Variants in MED12L observed in about 807,000 individuals in gnomAD.
MED12L encodes mediator complex subunit 12L.
A neutral mutation model predicts 281.3 loss-of-function variants in MED12L; 60 were observed. The observed-to-expected ratio is 0.21, with a 90% confidence interval of 0.17 to 0.26. The LOEUF is 0.26. MED12L is among the 10% of genes least tolerant of loss of function. The probability of loss-of-function intolerance (pLI) is 1.00; values close to 1 mark genes in which losing one functional copy is unlikely to be tolerated. For synonymous variants in MED12L, 974 were observed against 987.2 expected (o/e 0.99, Z 0.25); for missense variants, 2,146 against 2,680.9 (o/e 0.80, Z 4.41).
chr3:151,330,084 T>A (rs1277390428), intron 16 of MED12L, among the ~76,000 whole-genome samples: 1 of 152,182 alleles, frequency 6.6e-6, no homozygotes, highest in Non-Finnish European at 1.5e-5. Flanking sequence ...ACCAATTAAT[T>A]GGGATTAGAT....
rs755581571 is a variant in MED12L at position 151,413,128 on chromosome 3, T to C, written c.6141-11T>C. On this transcript the variant is annotated splice_polypyrimidine_tract_variant and intron_variant, in intron 41 of 44. Coordinates refer to ENST00000687756, the MANE Select transcript of MED12L (RefSeq NM_001393769.1). ...CTTGGGCCTGAACCAAGTTGCATTA[T>C]TCTTTGCCAGACTGAACCATCAGGC... The C allele has an allele frequency of 6.2e-7, 1 of 1,608,318 alleles. No individual in the cohort carries two copies. The highest frequency in any genetic ancestry group is 1.7e-5 in the Admixed American group (1 of 59,862).
Position 151,367,844 on chromosome 3 carries a change from G to A in MED12L, c.3448+78G>A, listed in dbSNP as rs1230353736. The A allele has an allele frequency of 2.2e-5, 33 of 1,490,374 alleles. 1 individual carries two copies. The Admixed American group carries it at 5.9e-4, about 27-fold the overall frequency. 92.3% of individuals were successfully genotyped at this position (1,490,374 alleles called of 1,614,324 possible). On this transcript the variant is annotated intron_variant, in intron 24 of 44. Coordinates refer to ENST00000687756, the MANE Select transcript of MED12L (RefSeq NM_001393769.1). ...GTGGTTTCTAACATTACAACACAGGGAAAGGAGTATTTGAGGGTATGTATA... is the reference window on the plus strand; with the variant it reads ...GTGGTTTCTAACATTACAACACAGGAAAAGGAGTATTTGAGGGTATGTATA...
intron 5 of MED12L, among the ~76,000 whole-genome samples, chr3:151,141,258 G>A (rs753150587): frequency 6.1e-5 from 9 of 148,180 alleles, no homozygotes; most frequent in Admixed American, 1.4e-4. Context: ...TCCTGACCTC[G>A]TGATCCACCT....
In MED12L at chr3:151,111,507, T is replaced by G. The variant is rs528298801; in HGVS notation, c.100-4831T>G. Reference sequence around the variant, plus strand: ...TGGAGTAGGGGGTTTAAATTCGAGCTGTCTGATTGCAGACCCTGGGCTCTT... The same window carrying G: ...TGGAGTAGGGGGTTTAAATTCGAGCGGTCTGATTGCAGACCCTGGGCTCTT... On this transcript the variant is annotated intron_variant, in intron 2 of 44. Transcript: ENST00000687756. Among the ~76,000 whole-genome samples, 401 of 152,320 alleles carry G rather than the reference T, an allele frequency of 2.6e-3. 2 individuals carry two copies. The highest frequency in any genetic ancestry group is 8.9e-3 in the African/African-American group (369 of 41,578).
chr3:151,400,991 C>G (rs1044307348), intron 39 of MED12L, among the ~76,000 whole-genome samples: 1 of 152,154 alleles, frequency 6.6e-6, no homozygotes, highest in Non-Finnish European at 1.5e-5. Flanking sequence ...GAATCCCCAT[C>G]ATGATTTAGC....
At chr3:151,282,330 G>C (rs1485712845) in intron 16 of MED12L, among the ~76,000 whole-genome samples, 1 of 151,322 alleles carries the variant, frequency 6.6e-6, no homozygotes, top group African/African-American at 2.4e-5. Context: ...GCAGATATTT[G>C]CTGGGTTATA....
chr3:151,132,352 T>TG (rs1208362064), intron 5 of MED12L, among the ~76,000 whole-genome samples: 86 of 152,328 alleles, frequency 5.6e-4, no homozygotes, highest in Middle Eastern at 3.4e-3. Flanking sequence ...TGTCATGTTT[T>TG]TTTAGTTGTC....
chr3:151,314,068 T>C (rs1313293551), intron 16 of MED12L, among the ~76,000 whole-genome samples: 2 of 152,184 alleles, frequency 1.3e-5, no homozygotes, highest in South Asian at 4.1e-4. Flanking sequence ...TTAGAAAAGG[T>C]CATTTAAGGA....
intron 16 of MED12L, chr3:151,261,567 G>T (rs988181467): frequency 6.6e-6 from 1 of 152,106 alleles, no homozygotes; most frequent in Non-Finnish European, 1.5e-5. Context: ...CTCAAAGTGT[G>T]GTTCCTGGGC....
intron 21 of MED12L, among the ~76,000 whole-genome samples, chr3:151,363,169 C>T (rs1754833416): frequency 6.6e-6 from 1 of 151,990 alleles, no homozygotes; most frequent in Non-Finnish European, 1.5e-5. Flanking sequence ...AGCAGAGTGG[C>T]ACATCATAGT....
intron 8 of MED12L, among the ~76,000 whole-genome samples, chr3:151,160,456 G>A (rs1210087114): frequency 6.6e-6 from 1 of 152,140 alleles, no homozygotes; most frequent in East Asian, 1.9e-4. Flanking sequence ...TCACATCTTG[G>A]GTTGGTTGCC....
intron 3 of MED12L, among the ~76,000 whole-genome samples, chr3:151,121,285 A>G (rs1713711488): frequency 6.6e-6 from 1 of 152,230 alleles, no homozygotes. Context: ...AAGAAATCAC[A>G]AACTGCAATG....
chr3:151,208,474 G>A (rs893514990), intron 16 of MED12L, among the ~76,000 whole-genome samples: 1 of 152,176 alleles, frequency 6.6e-6, no homozygotes, highest in African/African-American at 2.4e-5. Context: ...CGGAGGTCGG[G>A]AGTTCGAGAC....
In MED12L at chr3:151,304,435, A is replaced by T. The variant is rs111379734; in HGVS notation, c.2251-45624A>T. ...CTAAAAATACAAAAATTAGCTGGGCATGGCAGCGTGCACCTGTGGTCCCAG... is the reference window on the plus strand; with the variant it reads ...CTAAAAATACAAAAATTAGCTGGGCTTGGCAGCGTGCACCTGTGGTCCCAG... On this transcript the variant is annotated intron_variant, in intron 16 of 44. Transcript: ENST00000687756. Among the ~76,000 whole-genome samples the T allele has an allele frequency of 6.8e-3, 1,031 of 152,106 alleles. 10 individuals carry two copies. Among genetic ancestry groups the T allele is most frequent in the South Asian group, 0.024 (115 of 4,816 alleles).
rs1308859738 is a variant in MED12L, at chr3:151,293,670, CACACACA to C, written c.2251-56388_2251-56382del. On this transcript the variant is annotated intron_variant, in intron 16 of 44. Transcript: ENST00000687756. The stretch of plus-strand genomic sequence containing the variant: ...ACACACACACACACACACACACACA[CACACACA>C]CCCTCTACCTTCATTTCTATAGTGT... Among the ~76,000 whole-genome samples the C allele has an allele frequency of 6.8e-3, 969 of 142,302 alleles. 23 individuals carry two copies. The highest frequency in any genetic ancestry group is 0.026 in the African/African-American group (924 of 34,944). 93.4% of individuals were successfully genotyped at this position (142,302 alleles called of 152,430 possible). A position where few individuals can be genotyped will look rare whatever the true frequency, so the allele number is the denominator to read the frequency against.
chr3:151,227,220 A>G (rs1577034500), intron 16 of MED12L, among the ~76,000 whole-genome samples: 1 of 152,362 alleles, frequency 6.6e-6, no homozygotes, highest in East Asian at 1.9e-4. Context: ...AAGTTTTCAC[A>G]TTAGAAATAT....
At chr3:151,188,902 A>G (rs2700470) in intron 13 of MED12L, among the ~76,000 whole-genome samples, 129,088 of 152,156 alleles carry the variant, frequency 0.85, 54,961 homozygotes, top group African/African-American at 0.93. Context: ...ATAGATGCCT[A>G]GCTGCTTCTC....
intron 43 of MED12L, chr3:151,425,496 G>C: frequency 5.2e-6 from 2 of 387,522 alleles, no homozygotes; most frequent in South Asian, 3.8e-5. Flanking sequence ...AGACTCTTAG[G>C]CTCAAGTGAT....
intron 16 of MED12L, chr3:151,214,221 G>A (rs776427477): frequency 1.2e-6 from 2 of 1,613,918 alleles, no homozygotes; most frequent in Non-Finnish European, 1.7e-6. Flanking sequence ...CTGCAATGAA[G>A]ACCATACAGT....
Sources: allele counts gnomAD v4.1 joint callset (sites outside exome capture counted in the v4.1 genomes callset), GRCh38; gene constraint gnomAD v4.1.1; transcripts MANE v1.5; gene names NCBI Gene and HGNC (gene_info 2026-07-23, HGNC 2026-07-21).